Variants in PRKD1 observed in about 807,000 individuals in gnomAD.
PRKD1 encodes the protein protein kinase D1.
PRKD1 carries 63 observed loss-of-function variants against 95.9 expected under a neutral mutation model. That is an observed-to-expected ratio of 0.66 (90% CI 0.54 to 0.81). PRKD1 has a LOEUF of 0.81. Among genes scored for constraint, PRKD1 ranks in the 30% least tolerant of loss-of-function variants. The pLI is 0.00. For synonymous variants in PRKD1, 425 were observed against 423.1 expected, an observed-to-expected ratio of 1.00 and a Z score of -0.05; for missense variants, 1,048 against 1,165.3, an observed-to-expected ratio of 0.90 and a Z score of 1.47.
chr14:29,737,247 G>C (rs1350153626), intron 1 of PRKD1, among the ~76,000 whole-genome samples: 1 of 146,374 alleles, frequency 6.8e-6, no homozygotes. Flanking sequence ...GCGTGAACCC[G>C]GGAAGCGGAG....
chr14:29,885,093 C>T (rs1893651042), intron 1 of PRKD1, among the ~76,000 whole-genome samples: 1 of 150,448 alleles, frequency 6.6e-6, no homozygotes, highest in African/African-American at 2.5e-5. Context: ...ACTGCACTCC[C>T]CCCTGGGCAA....
At chr14:29,808,724 A>C (rs1890355052) in intron 1 of PRKD1, among the ~76,000 whole-genome samples, 1 of 152,020 alleles carries the variant, frequency 6.6e-6, no homozygotes, top group African/African-American at 2.4e-5. Flanking sequence ...TTCTCTTGAT[A>C]GTTTAACCAC....
intron 2 of PRKD1, among the ~76,000 whole-genome samples, chr14:29,701,767 T>C (rs1432224968): frequency 5.3e-5 from 8 of 152,214 alleles, no homozygotes; most frequent in Non-Finnish European, 1.2e-4. Context: ...ATTTGCTCAG[T>C]CGGTGATCCT....
intron 11 of PRKD1, among the ~76,000 whole-genome samples, chr14:29,627,786 A>T (rs1879722711): frequency 6.6e-6 from 1 of 152,182 alleles, no homozygotes. Context: ...CCTAGAAAAT[A>T]ACTACAAGTT....
chr14:29,727,738 T>G (rs1421675207), intron 1 of PRKD1, among the ~76,000 whole-genome samples: 6 of 152,244 alleles, frequency 3.9e-5, no homozygotes, highest in Non-Finnish European at 5.9e-5. Context: ...GGCTCTGTTC[T>G]GGCAAAGACT....
intron 2 of PRKD1, among the ~76,000 whole-genome samples, chr14:29,691,431 A>G (rs2139298394): frequency 6.6e-6 from 1 of 152,344 alleles, no homozygotes; most frequent in South Asian, 2.1e-4. Context: ...ATGAGCAGCC[A>G]AAGTTAAAAA....
intron 1 of PRKD1, among the ~76,000 whole-genome samples, chr14:29,775,564 A>C (rs1245770669): frequency 6.6e-6 from 1 of 152,086 alleles, no homozygotes; most frequent in East Asian, 1.9e-4. Flanking sequence ...CAGCAGTCTG[A>C]GATCAAACTG....
intron 1 of PRKD1, among the ~76,000 whole-genome samples, chr14:29,850,230 G>C (rs930403499): frequency 6.6e-6 from 1 of 151,972 alleles, no homozygotes; most frequent in Non-Finnish European, 1.5e-5. Context: ...GAAATAAAAG[G>C]CATCAAAATA....
At chr14:29,791,930 TG>T in intron 1 of PRKD1, among the ~76,000 whole-genome samples, 1 of 152,242 alleles carries the variant, frequency 6.6e-6, no homozygotes, top group East Asian at 1.9e-4. Flanking sequence ...TTTTCCAAAG[TG>T]ATTGTGGTAT....
chr14:29,772,990 T>C lies in PRKD1; in HGVS notation c.265-47316A>G, dbSNP rs45522939. On this transcript the variant is annotated intron_variant, in intron 1 of 17. Coordinates refer to ENST00000331968, the MANE Select transcript of PRKD1 (RefSeq NM_002742.3). ...TCATTTTTTGTTTTAATAATTTTAA[T>C]TTTATTGGCACTCGGTGACTTAAGA... Among the ~76,000 whole-genome samples the C allele has an allele frequency of 1.9e-3, 295 of 152,362 alleles. 2 individuals are homozygous for C. Among genetic ancestry groups the C allele is most frequent in the African/African-American group, 6.7e-3 (280 of 41,584 alleles).
At chr14:29,583,940 A>G (rs1300156001) in intron 16 of PRKD1, among the ~76,000 whole-genome samples, 1 of 152,154 alleles carries the variant, frequency 6.6e-6, no homozygotes, top group Non-Finnish European at 1.5e-5. Flanking sequence ...TTGCCCTATC[A>G]GTTTAGAGAC....
At chr14:29,614,321 T>C (rs1189963463) in intron 13 of PRKD1, among the ~76,000 whole-genome samples, 2 of 152,178 alleles carry the variant, frequency 1.3e-5, no homozygotes, top group African/African-American at 4.8e-5. Context: ...TTAATGGATT[T>C]ATAAACAGAG....
At chr14:29,874,990 C>T (rs972781867) in intron 1 of PRKD1, among the ~76,000 whole-genome samples, 2 of 152,100 alleles carry the variant, frequency 1.3e-5, no homozygotes, top group Non-Finnish European at 2.9e-5. Flanking sequence ...AAGACTTGAT[C>T]ATTACACATT....
At chr14:29,640,420 T>C (rs981915705) in intron 4 of PRKD1, among the ~76,000 whole-genome samples, 9 of 152,112 alleles carry the variant, frequency 5.9e-5, no homozygotes, top group Admixed American at 5.2e-4. Context: ...CTAGCTACAG[T>C]AAAAAGAAAC....
chr14:29,700,226 T>C (rs1177121572), intron 2 of PRKD1, among the ~76,000 whole-genome samples: 1 of 152,160 alleles, frequency 6.6e-6, no homozygotes, highest in African/African-American at 2.4e-5. Context: ...AATAATCATA[T>C]TAATTGAAAC....
At chr14:29,922,997 G>A (rs1057235705) in intron 1 of PRKD1, among the ~76,000 whole-genome samples, 2 of 152,060 alleles carry the variant, frequency 1.3e-5, no homozygotes, top group South Asian at 2.1e-4. Flanking sequence ...TTGGGAGGCC[G>A]AGGTAGGAGG....
chr14:29,649,257 T>C (rs113041745), intron 4 of PRKD1, among the ~76,000 whole-genome samples: 2 of 152,138 alleles, frequency 1.3e-5, no homozygotes, highest in African/African-American at 4.8e-5. Flanking sequence ...TGAGCTTTAC[T>C]TTTTAGAGGC....
intron 2 of PRKD1, among the ~76,000 whole-genome samples, chr14:29,681,750 A>C (rs1216979573): frequency 6.6e-6 from 1 of 152,208 alleles, no homozygotes; most frequent in Non-Finnish European, 1.5e-5. Context: ...TAAACTGAGA[A>C]AGTTACATTG....
intron 1 of PRKD1, among the ~76,000 whole-genome samples, chr14:29,861,471 C>T (rs1383093475): frequency 6.6e-6 from 1 of 152,074 alleles, no homozygotes; most frequent in Non-Finnish European, 1.5e-5. Context: ...ATGAGATATT[C>T]TGAGACAGGC....
Sources: allele counts gnomAD v4.1 joint callset (sites outside exome capture counted in the v4.1 genomes callset), GRCh38; gene constraint gnomAD v4.1.1; transcripts MANE v1.5; gene names NCBI Gene and HGNC (gene_info 2026-07-23, HGNC 2026-07-21).